Variants in CWF19L2 observed in about 807,000 individuals in gnomAD.
CWF19L2 encodes CWF19-like protein 2.
A neutral mutation model predicts 111.7 loss-of-function variants in CWF19L2; 98 were observed. That is an observed-to-expected ratio of 0.88 (90% confidence interval 0.75 to 1.04). The LOEUF is 1.04. Among genes scored for constraint, CWF19L2 ranks in the 50% least tolerant of loss-of-function variants. CWF19L2 has a pLI of 0.00. For synonymous variants in CWF19L2, 351 were observed against 342.9 expected (o/e 1.02, Z -0.26); for missense variants, 1,101 against 1,051.4 (o/e 1.05, Z -0.65).
intron 14 of CWF19L2, among the ~76,000 whole-genome samples, chr11:107,344,746 G>C (rs1344324516): frequency 1.3e-5 from 2 of 152,156 alleles, no homozygotes; most frequent in Non-Finnish European, 2.9e-5. Flanking sequence ...ACCTAGTTGA[G>C]ATTGTCTTTA....
chr11:107,380,627 G>T (rs531497266), intron 12 of CWF19L2, among the ~76,000 whole-genome samples: 1 of 152,304 alleles, frequency 6.6e-6, no homozygotes, highest in South Asian at 2.1e-4. Context: ...TTCCTAGTGG[G>T]AGTGTAAAAT....
chr11:107,438,104 T>A (rs1282009477), intron 6 of CWF19L2, among the ~76,000 whole-genome samples: 2 of 152,308 alleles, frequency 1.3e-5, no homozygotes, highest in African/African-American at 2.4e-5. Flanking sequence ...CATCTCTACA[T>A]AAAATACAGA....
At chr11:107,412,594 G>GCCT (rs1483112665) in intron 10 of CWF19L2, among the ~76,000 whole-genome samples, 1 of 152,166 alleles carries the variant, frequency 6.6e-6, no homozygotes, top group African/African-American at 2.4e-5. Flanking sequence ...GCCCATCTCA[G>GCCT]CCTCCCAAAG....
At chr11:107,448,071 C>T (rs779531478) in intron 3 of CWF19L2, among the ~76,000 whole-genome samples, 1 of 152,032 alleles carries the variant, frequency 6.6e-6, no homozygotes, top group Non-Finnish European at 1.5e-5. Flanking sequence ...GTCGGCCAGG[C>T]GCAGTGGCTC....
chr11:107,350,385 A>C (rs1371965371), intron 13 of CWF19L2, among the ~76,000 whole-genome samples: 2 of 152,174 alleles, frequency 1.3e-5, no homozygotes, highest in African/African-American at 4.8e-5. Context: ...ATTTGGAGGT[A>C]GGGGACTTCG....
At chr11:107,390,239 A>C (rs1860828744) in intron 11 of CWF19L2, 28 bp from the exon 12 acceptor site, 1 of 1,541,442 alleles carries the variant, frequency 6.5e-7, no homozygotes, top group Admixed American at 2.0e-5. Flanking sequence ...TTATTAATTT[A>C]ATGAAAACAT....
At chr11:107,339,612 C>A (rs1307745589) in intron 14 of CWF19L2, among the ~76,000 whole-genome samples, 1 of 150,788 alleles carries the variant, frequency 6.6e-6, no homozygotes, top group Admixed American at 6.6e-5. Flanking sequence ...GCTTATTTGC[C>A]ATCTATTAAT....
chr11:107,386,229 G>A (rs991869427), intron 12 of CWF19L2, among the ~76,000 whole-genome samples: 1 of 151,912 alleles, frequency 6.6e-6, no homozygotes. Flanking sequence ...GCCCAGACAG[G>A]TCTTGAACTC....
At chr11:107,400,522 T>TA (rs1565268912) in intron 10 of CWF19L2, among the ~76,000 whole-genome samples, 1 of 151,976 alleles carries the variant, frequency 6.6e-6, no homozygotes, top group Non-Finnish European at 1.5e-5. Flanking sequence ...CAGGAAGAAT[T>TA]AGACACCCTG....
intron 15 of CWF19L2, among the ~76,000 whole-genome samples, chr11:107,336,179 C>T (rs190665991): frequency 6.6e-6 from 1 of 152,092 alleles, no homozygotes; most frequent in East Asian, 2.0e-4. Flanking sequence ...CAAGATCAGG[C>T]TCTGTCACCC....
chr11:107,345,017 C>G (rs1316780628), intron 14 of CWF19L2, among the ~76,000 whole-genome samples: 1 of 152,058 alleles, frequency 6.6e-6, no homozygotes, highest in African/African-American at 2.4e-5. Flanking sequence ...TGATACTATC[C>G]TGACTGGAAG....
rs1859770199 is a variant in CWF19L2, at chr11:107,326,964, C to T, written c.2631G>A (p.Leu877=). The part of the protein sequence containing the change: ...ESFEDQRKKA[L]QFAQWWKPYD... ...ATGGTTTCCACCACTGAGCAAACTG[C>T]AGTGCTTTTTTCCTCTGATCCTCAA... The change falls in exon 18 of 18, where the codon CTG becomes CTA. Residue 877 remains leucine (L), a synonymous_variant. Coordinates refer to ENST00000282251, the MANE Select transcript of CWF19L2 (RefSeq NM_152434.3). The T allele has an allele frequency of 1.1e-5, 18 of 1,611,916 alleles. No homozygotes were observed. Among genetic ancestry groups the T allele is most frequent in the Non-Finnish European group, 1.5e-5 (18 of 1,178,980 alleles).
chr11:107,331,628 C>A (rs1463098932), intron 16 of CWF19L2, among the ~76,000 whole-genome samples: 1 of 152,152 alleles, frequency 6.6e-6, no homozygotes, highest in Non-Finnish European at 1.5e-5. Context: ...CAAAAGAAAC[C>A]CACTTTGTAC....
rs1049162938 is a variant in CWF19L2 at position 107,377,981 on chromosome 11, G to A, written c.1872+12093C>T. On this transcript the variant is annotated intron_variant, in intron 12 of 17. Transcript: ENST00000282251. The stretch of plus-strand genomic sequence containing the variant: ...GGATATGAACAGACACTTCTCAAAA[G>A]AAGACATTTATGCAGCCAAAAAACA... 3.6e-3 allele frequency among the ~76,000 whole-genome samples: 543 copies of A among 152,124 alleles called. 2 individuals carry two copies. The highest frequency in any genetic ancestry group is 0.01 in the Middle Eastern group (3 of 292).
chr11:107,329,523 T>C (rs1013975274), intron 17 of CWF19L2, among the ~76,000 whole-genome samples: 5 of 152,188 alleles, frequency 3.3e-5, no homozygotes, highest in African/African-American at 7.2e-5. Flanking sequence ...AGTTTCTTCA[T>C]CTGTAAAGTG....
At chr11:107,373,095 A>G (rs1159509185) in intron 12 of CWF19L2, among the ~76,000 whole-genome samples, 2 of 73,234 alleles carry the variant, frequency 2.7e-5, no homozygotes, top group Non-Finnish European at 5.2e-5. Context: ...ACGAGATTAT[A>G]TCCCGCACCT....
At chr11:107,364,222 T>C (rs1860402032) in intron 12 of CWF19L2, among the ~76,000 whole-genome samples, 1 of 142,082 alleles carries the variant, frequency 7.0e-6, no homozygotes, top group African/African-American at 2.7e-5. Flanking sequence ...ACATTAATAA[T>C]GGGAGACTTT....
chr11:107,326,748 AG>A lies in CWF19L2; in HGVS notation c.*161del. ...GTCCATAGATAGGAGCAGGTGAAGA[AG>A]AAAACAACACAATCTCCTGATGTAC... On this transcript the variant is annotated 3_prime_UTR_variant, in exon 18 of 18. Coordinates refer to ENST00000282251, the MANE Select transcript of CWF19L2 (RefSeq NM_152434.3). The A allele has an allele frequency of 2.0e-6, 1 of 502,868 alleles. No individual in the cohort carries two copies. The highest frequency in any genetic ancestry group is 3.4e-6 in the Non-Finnish European group (1 of 291,452). The allele number at this position is 502,868 out of a possible 1,614,324, so 31.2% of individuals were successfully genotyped here.
chr11:107,420,296 C>G (rs74808457), intron 8 of CWF19L2, among the ~76,000 whole-genome samples: 1 of 151,898 alleles, frequency 6.6e-6, no homozygotes, highest in Non-Finnish European at 1.5e-5. Flanking sequence ...CACAGACATA[C>G]GTATGTTAAA....
Sources: gnomAD v4.1 joint callset for allele counts (sites outside exome capture counted in the v4.1 genomes callset) on GRCh38, gnomAD v4.1.1 for gene constraint, MANE v1.5 for transcripts, NCBI Gene and HGNC (gene_info 2026-07-23, HGNC 2026-07-21) for gene names.